FAM83F: variants seen among roughly 807,000 people sequenced by gnomAD.
The protein encoded by FAM83F is scaffolding CK1 anchoring protein F.
A neutral mutation model predicts 42.9 loss-of-function variants in FAM83F; 45 were observed. The observed-to-expected ratio is 1.05, with a 90% CI of 0.83 to 1.35. FAM83F has a LOEUF of 1.35. Ranked by LOEUF, FAM83F falls within the 40% of genes most tolerant of loss-of-function variation. FAM83F has a pLI of 0.00. For missense variants in FAM83F, 617 were observed against 695.9 expected (o/e 0.89, Z 1.28); for synonymous variants, 306 against 298.3 (o/e 1.03, Z -0.27).
rs1369845852 is a variant in FAM83F at position 40,029,684 on chromosome 22, C to T, written c.*119C>T. The T allele has an allele frequency of 1.1e-5, 15 of 1,428,042 alleles. No homozygotes were observed. Among genetic ancestry groups the T allele is most frequent in the Non-Finnish European group, 1.3e-5 (14 of 1,061,790 alleles). The allele number at this position is 1,428,042 out of a possible 1,614,324, so 88.5% of individuals were successfully genotyped here. On this transcript the variant is annotated 3_prime_UTR_variant, in exon 5 of 5. Coordinates refer to ENST00000333407, the MANE Select transcript of FAM83F (RefSeq NM_138435.4). Reference sequence around the variant, plus strand: ...ATCAGACGCCAACTGGCCTTCTGCCCTGCAGCCTCCGTCCTGGCCTCAGGG... The same window carrying T: ...ATCAGACGCCAACTGGCCTTCTGCCTTGCAGCCTCCGTCCTGGCCTCAGGG...
chr22:40,012,123 C>A (rs2067468214), intron 1 of FAM83F, among the ~76,000 whole-genome samples: 1 of 148,804 alleles, frequency 6.7e-6, no homozygotes, highest in South Asian at 2.1e-4. Flanking sequence ...GTAGTCTCTT[C>A]CTTTCATCTC....
intron 1 of FAM83F, among the ~76,000 whole-genome samples, chr22:40,006,446 T>C (rs1459836194): frequency 7.2e-5 from 11 of 152,120 alleles, no homozygotes; most frequent in Admixed American, 7.2e-4. Context: ...GACACAGCAC[T>C]GGGCAGACAT....
At chr22:39,999,140 T>C (rs1458145382) in intron 1 of FAM83F, 1 of 152,246 alleles carries the variant, frequency 6.6e-6, no homozygotes, top group Non-Finnish European at 1.5e-5. Flanking sequence ...CTTCTGCTGA[T>C]CCATCATCTA....
rs2067585084 is a variant in FAM83F at position 40,031,235 on chromosome 22, G to A, written c.*1670G>A. ...AGTGTGGCATGAGCTCATTCTGGAGGGGAGGGAAGGGAGAGAGGGGGGAGG... is the reference window on the plus strand; with the variant it reads ...AGTGTGGCATGAGCTCATTCTGGAGAGGAGGGAAGGGAGAGAGGGGGGAGG... On this transcript the variant is annotated 3_prime_UTR_variant, in exon 5 of 5. Coordinates refer to ENST00000333407, the MANE Select transcript of FAM83F (RefSeq NM_138435.4). 6.6e-6 allele frequency: 1 copy of A among 151,912 alleles called. No homozygotes were observed. Among genetic ancestry groups the A allele is most frequent in the African/African-American group, 2.4e-5 (1 of 41,282 alleles). 9.4% of individuals were successfully genotyped at this position (151,912 alleles called of 1,614,324 possible).
intron 4 of FAM83F, among the ~76,000 whole-genome samples, chr22:40,024,014 C>T (rs187918505): frequency 1.3e-5 from 2 of 152,226 alleles, no homozygotes; most frequent in African/African-American, 4.8e-5. Context: ...CTGTCTTTTG[C>T]TGGTTTTGTT....
At chr22:40,018,933 G>A (rs1451962936) in intron 1 of FAM83F, among the ~76,000 whole-genome samples, 1 of 152,192 alleles carries the variant, frequency 6.6e-6, no homozygotes, top group Admixed American at 6.5e-5. Flanking sequence ...CCAGGATGGG[G>A]AGGTGGGGAT....
At chr22:40,017,225 C>CTTTTT (rs59308005) in intron 1 of FAM83F, among the ~76,000 whole-genome samples, 18 of 115,550 alleles carry the variant, frequency 1.6e-4, no homozygotes, top group Non-Finnish European at 2.1e-4. Context: ...TCAGCACTTT[C>CTTTTT]TTTTTTTTTT....
chr22:40,015,227 C>G (rs185501375), intron 1 of FAM83F, among the ~76,000 whole-genome samples: 1 of 152,294 alleles, frequency 6.6e-6, no homozygotes, highest in East Asian at 1.9e-4. Context: ...AGTTTGAGCC[C>G]AGAGGCAGTC....
At chr22:40,011,022 C>T (rs1189984593) in intron 1 of FAM83F, among the ~76,000 whole-genome samples, 5 of 152,186 alleles carry the variant, frequency 3.3e-5, no homozygotes, top group East Asian at 1.9e-4. Flanking sequence ...CTTTAGTTCA[C>T]GGCACAATGC....
chr22:40,029,490 C>G, intron 4 of FAM83F, 26 bp from the exon 5 acceptor site: 1 of 1,604,600 alleles, frequency 6.2e-7, no homozygotes, highest in South Asian at 1.1e-5. Context: ...TACATCCTTC[C>G]CCGCCTCTGT....
rs540254748 is a variant in FAM83F at position 40,043,439 on chromosome 22, G to A, written c.*13874G>A. On this transcript the variant is annotated 3_prime_UTR_variant, in exon 5 of 5. Transcript: ENST00000333407. ...AGAACCCAGTGGCCACCAGCCAGGA[G>A]CACACGTCTTGCTCAGCATCAACTA... 6.6e-6 allele frequency: 1 copy of A among 152,340 alleles called. No homozygotes were observed. The highest frequency in any genetic ancestry group is 2.4e-5 in the African/African-American group (1 of 41,570). The allele number at this position is 152,340 out of a possible 1,614,324, so 9.4% of individuals were successfully genotyped here.
Position 40,034,136 on chromosome 22 carries a change from T to G in FAM83F, c.*4571T>G, listed in dbSNP as rs1056623324. 3 of 152,198 alleles carry G rather than the reference T, an allele frequency of 2.0e-5. No individual in the cohort carries two copies. Among genetic ancestry groups the G allele is most frequent in the Non-Finnish European group, 4.4e-5 (3 of 68,052 alleles). The allele number at this position is 152,198 out of a possible 1,614,324, so 9.4% of individuals were successfully genotyped here. The stretch of plus-strand genomic sequence containing the variant: ...CCAAGCAGGAATCGCTACCTGCCTG[T>G]CATGACCACATTCTCAGTGAACATT... On this transcript the variant is annotated 3_prime_UTR_variant, in exon 5 of 5. Coordinates refer to ENST00000333407, the MANE Select transcript of FAM83F (RefSeq NM_138435.4).
chr22:40,019,792 T>G (rs1312130388), intron 2 of FAM83F, 95 bp from the exon 3 acceptor site: 2 of 1,477,834 alleles, frequency 1.4e-6, no homozygotes, highest in South Asian at 1.4e-5. Context: ...GCAGGCAGGG[T>G]CCATACACAA....
intron 1 of FAM83F, among the ~76,000 whole-genome samples, chr22:40,001,588 G>A (rs577918322): frequency 3.9e-5 from 6 of 152,012 alleles, no homozygotes; most frequent in East Asian, 3.9e-4. Flanking sequence ...TGGAGGTTGC[G>A]GTGAGCAGAG....
intron 1 of FAM83F, among the ~76,000 whole-genome samples, chr22:39,997,476 G>T (rs1042476576): frequency 2.6e-5 from 4 of 152,236 alleles, no homozygotes; most frequent in African/African-American, 4.8e-5. Flanking sequence ...CTGACTGTGT[G>T]CCAGGCACTA....
rs1363160359 is a variant in FAM83F at position 40,030,674 on chromosome 22, T to C, written c.*1109T>C. ...AGCAATTCCATTCTGCCTTCCCCACTTGGGTGACTGGAGAGGGCCGAGGAG... is the reference window on the plus strand; with the variant it reads ...AGCAATTCCATTCTGCCTTCCCCACCTGGGTGACTGGAGAGGGCCGAGGAG... On this transcript the variant is annotated 3_prime_UTR_variant, in exon 5 of 5. Transcript: ENST00000333407. 1 of 152,254 alleles carries C rather than the reference T, an allele frequency of 6.6e-6. No homozygotes were observed. The highest frequency in any genetic ancestry group is 2.4e-5 in the African/African-American group (1 of 41,434). The allele number at this position is 152,254 out of a possible 1,614,324, so 9.4% of individuals were successfully genotyped here.
intron 1 of FAM83F, among the ~76,000 whole-genome samples, chr22:40,006,546 A>G (rs1451864475): frequency 6.6e-6 from 1 of 152,244 alleles, no homozygotes; most frequent in African/African-American, 2.4e-5. Flanking sequence ...AAGGACCTCA[A>G]CAAAGAGCAT....
chr22:40,028,944 G>C (rs1455714793), intron 4 of FAM83F, among the ~76,000 whole-genome samples: 1 of 152,240 alleles, frequency 6.6e-6, no homozygotes, highest in African/African-American at 2.4e-5. Context: ...GTCGCTGGCT[G>C]GCTCTGGGAG....
intron 4 of FAM83F, among the ~76,000 whole-genome samples, chr22:40,024,836 A>G (rs2067542084): frequency 6.6e-6 from 1 of 152,264 alleles, no homozygotes. Flanking sequence ...GTTGTCAAAC[A>G]GCATGCAAAT....
Sources: allele counts gnomAD v4.1 joint callset (sites outside exome capture counted in the v4.1 genomes callset), GRCh38; gene constraint gnomAD v4.1.1; transcripts MANE v1.5; gene names NCBI Gene and HGNC (gene_info 2026-07-23, HGNC 2026-07-21).